Variants in LAPTM4B observed in about 807,000 individuals in gnomAD.
LAPTM4B encodes lysosomal protein transmembrane 4 beta, also known as lysosomal-associated transmembrane protein 4B.
LAPTM4B carries 26 observed loss-of-function variants against 28.5 expected under a neutral mutation model. The observed-to-expected ratio is 0.91, with a 90% CI of 0.67 to 1.27. The LOEUF (loss-of-function observed/expected upper bound fraction) is 1.27, where lower values mean the gene tolerates loss of function less well. Ranked by LOEUF, LAPTM4B falls within the 50% of genes most tolerant of loss-of-function variation. The probability of loss-of-function intolerance (pLI) is 0.00; values close to 1 mark genes in which losing one functional copy is unlikely to be tolerated. For synonymous variants in LAPTM4B, 109 were observed against 106.4 expected, an observed-to-expected ratio of 1.02 and a Z score of -0.15; for missense variants, 288 against 285.8, an observed-to-expected ratio of 1.01 and a Z score of -0.06.
chr8:97,831,134 AT>A (rs1817177804), intron 6 of LAPTM4B, among the ~76,000 whole-genome samples: 1 of 152,168 alleles, frequency 6.6e-6, no homozygotes, highest in Non-Finnish European at 1.5e-5. Context: ...ATTGAGGATG[AT>A]AAGGGTCATG....
At chr8:97,829,109 A>G (rs1268895061) in intron 6 of LAPTM4B, among the ~76,000 whole-genome samples, 2 of 152,172 alleles carry the variant, frequency 1.3e-5, no homozygotes, top group Non-Finnish European at 2.9e-5. Context: ...TCCTGCACCC[A>G]GACCCCTAGG....
intron 6 of LAPTM4B, among the ~76,000 whole-genome samples, chr8:97,844,750 T>C (rs1817402857): frequency 6.6e-6 from 1 of 152,196 alleles, no homozygotes; most frequent in African/African-American, 2.4e-5. Flanking sequence ...CCCAGGCCTT[T>C]GCAGAAGCTC....
chr8:97,832,357 G>A (rs1180176033), intron 6 of LAPTM4B, among the ~76,000 whole-genome samples: 1 of 152,190 alleles, frequency 6.6e-6, no homozygotes, highest in Non-Finnish European at 1.5e-5. Flanking sequence ...GGCCATGGTC[G>A]AATGCCAGCT....
Position 97,814,992 on chromosome 8 carries a change from G to T in LAPTM4B, c.212-336G>T, listed in dbSNP as rs140469430. 2.6e-5 allele frequency among the ~76,000 whole-genome samples: 4 copies of T among 152,202 alleles called. No homozygotes were observed. In the South Asian group the frequency reaches 8.3e-4, roughly 32 times the overall value. On this transcript the variant is annotated intron_variant, in intron 2 of 6. Coordinates refer to ENST00000521545, the MANE Select transcript of LAPTM4B (RefSeq NM_018407.6). ...TAGGTGTGAGCCACCGCACCTGGCCGGAGTTTTTATTTTAAATAAGATCGG... is the reference window on the plus strand; with the variant it reads ...TAGGTGTGAGCCACCGCACCTGGCCTGAGTTTTTATTTTAAATAAGATCGG...
intron 6 of LAPTM4B, among the ~76,000 whole-genome samples, chr8:97,836,481 A>G (rs17827449): frequency 0.39 from 59,684 of 151,950 alleles, 12,324 homozygotes; most frequent in Non-Finnish European, 0.46. Flanking sequence ...GTGCCCGGCC[A>G]TAAATTAAGG....
At position 97,819,189 on chromosome 8, in the gene LAPTM4B, G is replaced by T. The variant is rs746239134; in HGVS notation, c.458G>T (p.Cys153Phe). Residue 153 changes from cysteine (C) to phenylalanine (F), a missense_variant, in exon 5 of 7, where the codon TGT becomes TTT. Cys to Phe is a radical substitution (Grantham distance 205). Coordinates refer to ENST00000521545, the MANE Select transcript of LAPTM4B (RefSeq NM_018407.6). Reference protein sequence around the residue: ...RDDVMSVNPTCLVLIILLFIS... With the variant: ...RDDVMSVNPTFLVLIILLFIS... ...GATGTCATGTCAGTGAATCCTACCT[G>T]TTTGGTCCTTATTATTCTTCTGTTT... 10 of 1,610,564 alleles carry T rather than the reference G, an allele frequency of 6.2e-6. No homozygotes were observed. The East Asian group carries it at 1.8e-4, about 29-fold the overall frequency.
At position 97,822,599 on chromosome 8, in the gene LAPTM4B, T is replaced by A. The variant is rs955363712; in HGVS notation, c.508-2459T>A. Among the ~76,000 whole-genome samples, 21 of 151,574 alleles carry A rather than the reference T, an allele frequency of 1.4e-4. No homozygotes were observed. The South Asian group carries it at 1.7e-3, about 12-fold the overall frequency. ...GCACAACCATGTTCATCATTACTAG[T>A]CATATGGTCTAAATTAGCAAAACCA... On this transcript the variant is annotated intron_variant, in intron 5 of 6. Transcript: ENST00000521545.
intron 5 of LAPTM4B, among the ~76,000 whole-genome samples, chr8:97,821,556 G>GGTA (rs1817003591): frequency 7.8e-6 from 1 of 127,538 alleles, no homozygotes; most frequent in African/African-American, 5.4e-5. Flanking sequence ...GGGGTGGACA[G>GGTA]GTGAGGACGT....
intron 2 of LAPTM4B, among the ~76,000 whole-genome samples, chr8:97,807,932 T>A (rs951830960): frequency 1.5e-4 from 23 of 151,332 alleles, no homozygotes; most frequent in African/African-American, 5.6e-4. Context: ...TATATTATCC[T>A]GGGATTTGAG....
At position 97,851,642 on chromosome 8, in the gene LAPTM4B, T is replaced by G. The variant is rs1445383071; in HGVS notation, c.*168T>G. 1.6e-6 allele frequency: 1 copy of G among 626,202 alleles called. No individual in the cohort carries two copies. Among genetic ancestry groups the G allele is most frequent in the Non-Finnish European group, 2.8e-6 (1 of 351,294 alleles). 38.8% of individuals were successfully genotyped at this position (626,202 alleles called of 1,614,324 possible). A position where few individuals can be genotyped will look rare whatever the true frequency, so the allele number is the denominator to read the frequency against. ...GAAAACTGTAGTTTTCAACATATGC[T>G]TTGCTGGAACACTGTGATAGATTAA... On this transcript the variant is annotated 3_prime_UTR_variant, in exon 7 of 7. Transcript: ENST00000521545.
At chr8:97,836,925 A>G (rs1279775137) in intron 6 of LAPTM4B, among the ~76,000 whole-genome samples, 1 of 151,908 alleles carries the variant, frequency 6.6e-6, no homozygotes, top group Non-Finnish European at 1.5e-5. Context: ...GTTTCAGAAA[A>G]TAAGTATAAA....
intron 6 of LAPTM4B, among the ~76,000 whole-genome samples, chr8:97,837,945 C>T (rs1044529824): frequency 1.3e-5 from 2 of 152,146 alleles, no homozygotes; most frequent in South Asian, 2.1e-4. Context: ...TCTCTCCAAG[C>T]ATTTTCTTTT....
chr8:97,829,551 G>GT (rs1179089739), intron 6 of LAPTM4B, among the ~76,000 whole-genome samples: 3 of 152,158 alleles, frequency 2.0e-5, no homozygotes, highest in Non-Finnish European at 4.4e-5. Context: ...AATGGGGATA[G>GT]TTGTCTGTGT....
chr8:97,844,549 T>C (rs949228930), intron 6 of LAPTM4B, among the ~76,000 whole-genome samples: 2 of 152,234 alleles, frequency 1.3e-5, no homozygotes, highest in African/African-American at 4.8e-5. Context: ...TGGGTACTTC[T>C]AGATTACGTC....
intron 6 of LAPTM4B, among the ~76,000 whole-genome samples, chr8:97,844,706 T>A (rs1216651542): frequency 6.6e-6 from 1 of 152,170 alleles, no homozygotes; most frequent in East Asian, 1.9e-4. Context: ...CTTCCTTGTG[T>A]TGAAAGTCGC....
At chr8:97,815,457 C>A in intron 3 of LAPTM4B, 56 bp downstream of exon 3, 2 of 1,171,802 alleles carry the variant, frequency 1.7e-6, no homozygotes, top group Non-Finnish European at 2.6e-6. Context: ...CATGTGTAAT[C>A]TGTGCTGCTG....
chr8:97,781,766 C>T (rs1238667886), intron 1 of LAPTM4B, among the ~76,000 whole-genome samples: 2 of 152,064 alleles, frequency 1.3e-5, no homozygotes, highest in Non-Finnish European at 2.9e-5. Flanking sequence ...CTGTGTGTAC[C>T]CTTCTGTATC....
At chr8:97,845,235 C>T (rs565504769) in intron 6 of LAPTM4B, among the ~76,000 whole-genome samples, 5 of 152,016 alleles carry the variant, frequency 3.3e-5, no homozygotes, top group Admixed American at 6.6e-5. Flanking sequence ...TTTGCCTTTG[C>T]GAATTTATGA....
At chr8:97,796,091 C>T (rs1816578025) in intron 1 of LAPTM4B, among the ~76,000 whole-genome samples, 1 of 152,178 alleles carries the variant, frequency 6.6e-6, no homozygotes, top group South Asian at 2.1e-4. Flanking sequence ...AGGCATGCGC[C>T]ACCCTATCCG....
Sources: allele counts gnomAD v4.1 joint callset (sites outside exome capture counted in the v4.1 genomes callset), GRCh38; gene constraint gnomAD v4.1.1; transcripts MANE v1.5; gene names NCBI Gene and HGNC (gene_info 2026-07-23, HGNC 2026-07-21).